The following CYB5A variants were observed in gnomAD, a reference collection of about 807,000 sequenced individuals.
CYB5A encodes cytochrome b5.
CYB5A carries 10 observed loss-of-function variants against 16.2 expected under a neutral mutation model. The observed-to-expected ratio is 0.62, with a 90% confidence interval of 0.38 to 1.04. The LOEUF is 1.04. Ranked by LOEUF, CYB5A falls within the 50% of genes least tolerant of loss-of-function variation. CYB5A has a pLI of 0.01. For synonymous variants in CYB5A, 62 were observed against 57.0 expected (o/e 1.09, Z -0.40); for missense variants, 161 against 165.9 (o/e 0.97, Z 0.16).
At chr18:74,281,613 A>T (rs1284262863) in intron 1 of CYB5A, among the ~76,000 whole-genome samples, 1 of 152,172 alleles carries the variant, frequency 6.6e-6, no homozygotes, top group Non-Finnish European at 1.5e-5. Context: ...TGTGGTGAAC[A>T]GGTGTGGTTT....
chr18:74,256,610 C>G (rs1395246548), intron 3 of CYB5A: 1 of 557,110 alleles, frequency 1.8e-6, no homozygotes, highest in Non-Finnish European at 3.2e-6. Flanking sequence ...TTTTGATGTT[C>G]CACACCAACA....
chr18:74,291,605 G>A, intron 1 of CYB5A, 142 bp downstream of exon 1: 4 of 1,287,960 alleles, frequency 3.1e-6, no homozygotes, highest in South Asian at 1.3e-5. Context: ...GCGCCCAGGC[G>A]TACACGCGCA....
chr18:74,277,984 T>G (rs1790864), intron 1 of CYB5A, among the ~76,000 whole-genome samples: 30,753 of 152,218 alleles, frequency 0.2, 3,436 homozygotes, highest in African/African-American at 0.3. Context: ...TCCTTTCCAC[T>G]CTAGCAGCCA....
chr18:74,287,489 A>G (rs1015436103), intron 1 of CYB5A, among the ~76,000 whole-genome samples: 1 of 152,200 alleles, frequency 6.6e-6, no homozygotes, highest in Non-Finnish European at 1.5e-5. Context: ...AGTCCCTACA[A>G]TAAAACCTGC....
chr18:74,271,816 C>A (rs73482446), intron 1 of CYB5A, among the ~76,000 whole-genome samples: 1 of 152,164 alleles, frequency 6.6e-6, no homozygotes, highest in Non-Finnish European at 1.5e-5. Flanking sequence ...TGGCATAATA[C>A]GCTACTGTCA....
At chr18:74,271,446 G>C (rs970868916) in intron 1 of CYB5A, among the ~76,000 whole-genome samples, 1 of 152,100 alleles carries the variant, frequency 6.6e-6, no homozygotes, top group African/African-American at 2.4e-5. Flanking sequence ...TGACTCTCCA[G>C]CCCTCATCCC....
chr18:74,289,922 G>T (rs1457143019), intron 1 of CYB5A, among the ~76,000 whole-genome samples: 1 of 152,106 alleles, frequency 6.6e-6, no homozygotes, highest in East Asian at 1.9e-4. Flanking sequence ...CAGTGCCAGG[G>T]TTGAAAAAAC....
intron 3 of CYB5A, chr18:74,259,711 T>A (rs1365848606): frequency 5.9e-5 from 9 of 151,946 alleles, no homozygotes; most frequent in Admixed American, 5.9e-4. Flanking sequence ...ATAAAAAAAA[T>A]ATATATTCTT....
At chr18:74,284,977 T>A (rs1983264804) in intron 1 of CYB5A, among the ~76,000 whole-genome samples, 1 of 152,206 alleles carries the variant, frequency 6.6e-6, no homozygotes, top group South Asian at 2.1e-4. Context: ...CCGGTCCCCA[T>A]GTTGGAACTC....
intron 1 of CYB5A, among the ~76,000 whole-genome samples, chr18:74,288,140 C>A (rs1196597717): frequency 6.6e-6 from 1 of 152,220 alleles, no homozygotes; most frequent in Non-Finnish European, 1.5e-5. Context: ...TCTACCCCTC[C>A]GCCTAAACAA....
At chr18:74,265,670 A>G (rs1810320518) in intron 1 of CYB5A, among the ~76,000 whole-genome samples, 2 of 152,214 alleles carry the variant, frequency 1.3e-5, no homozygotes, top group Admixed American at 1.3e-4. Flanking sequence ...TGCAGCCTGT[A>G]CAAGCACGGC....
chr18:74,283,589 C>T (rs1417602422), intron 1 of CYB5A, among the ~76,000 whole-genome samples: 1 of 152,210 alleles, frequency 6.6e-6, no homozygotes, highest in Non-Finnish European at 1.5e-5. Flanking sequence ...TGGCTTTGTT[C>T]AGATATTTGC....
chr18:74,281,765 G>A (rs991889631), intron 1 of CYB5A, among the ~76,000 whole-genome samples: 2 of 150,950 alleles, frequency 1.3e-5, no homozygotes, highest in African/African-American at 4.9e-5. Context: ...GTGTGTGTGT[G>A]TGTATGTGTG....
intron 4 of CYB5A, 57 bp downstream of exon 4, chr18:74,255,684 A>T: frequency 6.8e-7 from 1 of 1,477,332 alleles, no homozygotes; most frequent in Middle Eastern, 1.7e-4. Flanking sequence ...ACCTTGTCCA[A>T]CCTGGACCCA....
rs1983565976 is a variant in CYB5A at position 74,291,917 on chromosome 18, C to T, written c.-42G>A. 1 of 1,606,430 alleles carries T rather than the reference C, an allele frequency of 6.2e-7. No homozygotes were observed. Among genetic ancestry groups the T allele is most frequent in the Non-Finnish European group, 8.5e-7 (1 of 1,179,712 alleles). Reference sequence around the variant, plus strand: ...CCAGGCCCAGCACACACAGCCCCGTCGGGTGGAGCAGAGCGCGCGACTCAG... The same window carrying T: ...CCAGGCCCAGCACACACAGCCCCGTTGGGTGGAGCAGAGCGCGCGACTCAG... On this transcript the variant is annotated 5_prime_UTR_variant, in exon 1 of 5. Transcript: ENST00000340533.
At chr18:74,276,330 T>C (rs111592904) in intron 1 of CYB5A, among the ~76,000 whole-genome samples, 1,541 of 152,250 alleles carry the variant, frequency 0.01, 6 homozygotes, top group South Asian at 0.037. Flanking sequence ...CACCTTTTTT[T>C]CTGAACATGC....
In CYB5A at chr18:74,250,968, G is replaced by A. The variant is rs1341210621; in HGVS notation, c.*2616C>T. 1 of 152,200 alleles carries A rather than the reference G, an allele frequency of 6.6e-6. No individual in the cohort carries two copies. The highest frequency in any genetic ancestry group is 1.5e-5 in the Non-Finnish European group (1 of 68,096). The allele number at this position is 152,200 out of a possible 1,614,324, so 9.4% of individuals were successfully genotyped here. A position where few individuals can be genotyped will look rare whatever the true frequency, so the allele number is the denominator to read the frequency against. ...GGATTGCCTGAGGTCAGGAGTTCAA[G>A]ACCAGCCTGGCTAACATGGTGAAAT... On this transcript the variant is annotated 3_prime_UTR_variant, in exon 5 of 5. Coordinates refer to ENST00000340533, the MANE Select transcript of CYB5A (RefSeq NM_148923.4).
intron 1 of CYB5A, among the ~76,000 whole-genome samples, chr18:74,284,838 C>T (rs1196781130): frequency 6.6e-6 from 1 of 152,168 alleles, no homozygotes; most frequent in African/African-American, 2.4e-5. Context: ...CAGAATTCTA[C>T]GGATGTAAGA....
chr18:74,279,854 ATAAC>A (rs1161203837), intron 1 of CYB5A, among the ~76,000 whole-genome samples: 2 of 152,254 alleles, frequency 1.3e-5, no homozygotes, highest in African/African-American at 2.4e-5. Flanking sequence ...CAATCAATAA[ATAAC>A]TATTTAGTCC....
Sources: allele counts gnomAD v4.1 joint callset (sites outside exome capture counted in the v4.1 genomes callset), GRCh38; gene constraint gnomAD v4.1.1; transcripts MANE v1.5; gene names NCBI Gene and HGNC (gene_info 2026-07-23, HGNC 2026-07-21).